Variants in LOXL2 observed in about 807,000 individuals in gnomAD.
The protein encoded by LOXL2 is lysyl oxidase homolog 2.
In LOXL2, 70 loss-of-function variants were observed where a neutral mutation model predicts 93.0. The ratio of observed to expected loss-of-function variants is 0.75; its 90% confidence interval spans 0.62 to 0.92. LOXL2 has a LOEUF of 0.92. LOXL2 is among the 40% of genes least tolerant of loss of function. LOXL2 has a pLI of 0.00. For synonymous variants in LOXL2, 438 were observed against 413.2 expected (o/e 1.06, Z -0.73); for missense variants, 973 against 1,054.9 (o/e 0.92, Z 1.08).
chr8:23,353,156 G>A (rs899637049), intron 3 of LOXL2, among the ~76,000 whole-genome samples: 1 of 152,152 alleles, frequency 6.6e-6, no homozygotes, highest in Non-Finnish European at 1.5e-5. Flanking sequence ...AGCAGCCGGG[G>A]AGCAGAGGTT....
At chr8:23,323,790 CT>C (rs1229041523) in intron 6 of LOXL2, among the ~76,000 whole-genome samples, 4 of 152,154 alleles carry the variant, frequency 2.6e-5, no homozygotes, top group African/African-American at 4.8e-5. Context: ...CAACCTCCAC[CT>C]CCCAGGTTCA....
chr8:23,301,692 A>G (rs1299098738), intron 12 of LOXL2, among the ~76,000 whole-genome samples: 1 of 152,188 alleles, frequency 6.6e-6, no homozygotes, highest in Admixed American at 6.5e-5. Flanking sequence ...CATAGGAGAC[A>G]AGAGGTGTGG....
At chr8:23,363,270 C>A (rs1466137880) in intron 2 of LOXL2, 11 of 152,342 alleles carry the variant, frequency 7.2e-5, no homozygotes, top group African/African-American at 2.4e-4. Context: ...AGTCTCCTGA[C>A]GTCCAGGCCC....
At position 23,316,115 on chromosome 8, in the gene LOXL2, A is replaced by G. The variant is rs550913886; in HGVS notation, c.1636+834T>C. On this transcript the variant is annotated intron_variant, in intron 9 of 13. Transcript: ENST00000389131. The stretch of plus-strand genomic sequence containing the variant: ...TGAGTCTAAAAGGGGTTGGTGGGAG[A>G]CGCAGCTGCTGTTCAATCCCGCGTT... Among the ~76,000 whole-genome samples the G allele has an allele frequency of 1.5e-4, 23 of 152,256 alleles. 1 individual carries two copies. The East Asian group carries it at 4.4e-3, about 29-fold the overall frequency.
intron 1 of LOXL2, among the ~76,000 whole-genome samples, chr8:23,398,750 C>T (rs986961325): frequency 6.6e-6 from 1 of 152,174 alleles, no homozygotes; most frequent in Non-Finnish European, 1.5e-5. Flanking sequence ...GCCTTGACCT[C>T]CTGGGCTCAA....
At chr8:23,371,696 G>T (rs1035513278) in intron 1 of LOXL2, among the ~76,000 whole-genome samples, 1 of 137,174 alleles carries the variant, frequency 7.3e-6, no homozygotes, top group Admixed American at 7.9e-5. Flanking sequence ...AGGTTGCAGT[G>T]AGCCGAGGTC....
At chr8:23,390,462 A>T (rs777145804) in intron 1 of LOXL2, among the ~76,000 whole-genome samples, 3 of 152,252 alleles carry the variant, frequency 2.0e-5, no homozygotes, top group Non-Finnish European at 2.9e-5. Context: ...TTCAGGGCAC[A>T]GTGAGATGGT....
intron 1 of LOXL2, among the ~76,000 whole-genome samples, chr8:23,375,607 CCT>C (rs1406767569): frequency 1.1e-4 from 17 of 152,068 alleles, no homozygotes; most frequent in Non-Finnish European, 1.3e-4. Context: ...TTGTTTGTAT[CCT>C]CTTTTATTTC....
chr8:23,353,107 A>G (rs1464228025), intron 3 of LOXL2, among the ~76,000 whole-genome samples: 1 of 152,220 alleles, frequency 6.6e-6, no homozygotes, highest in Non-Finnish European at 1.5e-5. Flanking sequence ...CAGCCCAGCC[A>G]CAAGGCTTCC....
chr8:23,337,344 A>T (rs1563194394), intron 4 of LOXL2: 1 of 152,194 alleles, frequency 6.6e-6, no homozygotes, highest in Non-Finnish European at 1.5e-5. Flanking sequence ...TTCAGAGAAG[A>T]GTGATCACAG....
At chr8:23,333,882 A>G (rs1285565793) in intron 4 of LOXL2, among the ~76,000 whole-genome samples, 2 of 152,238 alleles carry the variant, frequency 1.3e-5, no homozygotes, top group African/African-American at 4.8e-5. Context: ...TAGGAAAGAA[A>G]GGACTCACTC....
chr8:23,303,770 T>C (rs1466989458), intron 10 of LOXL2, among the ~76,000 whole-genome samples: 4 of 152,228 alleles, frequency 2.6e-5, no homozygotes, highest in Non-Finnish European at 5.9e-5. Context: ...TCACAGCCCC[T>C]TCCTGTTTGA....
chr8:23,330,432 T>C (rs1326228371), intron 5 of LOXL2, among the ~76,000 whole-genome samples: 1 of 152,136 alleles, frequency 6.6e-6, no homozygotes, highest in African/African-American at 2.4e-5. Flanking sequence ...CTGTTTTCTG[T>C]AGAATGGTGG....
chr8:23,380,841 T>C (rs1446218423), intron 1 of LOXL2, among the ~76,000 whole-genome samples: 1 of 151,864 alleles, frequency 6.6e-6, no homozygotes, highest in East Asian at 1.9e-4. Context: ...GACAAAACCC[T>C]GTCTCTACTA....
At position 23,363,442 on chromosome 8, in the gene LOXL2, A is replaced by T. The variant is rs537622621; in HGVS notation, c.356-3177T>A. ...TTCCAAGCAGTCAAGCTCCACTGAA[A>T]CATACACTCCCTAATCGATTGCTGT... is the stretch of plus-strand genomic sequence containing the variant. On this transcript the variant is annotated intron_variant, in intron 2 of 13. Transcript: ENST00000389131. 13 of 152,318 alleles carry T rather than the reference A, an allele frequency of 8.5e-5. No individual in the cohort carries two copies. The East Asian group carries it at 2.5e-3, about 29-fold the overall frequency. 9.4% of individuals were successfully genotyped at this position (152,318 alleles called of 1,614,324 possible).
chr8:23,297,173 A>C lies in LOXL2; in HGVS notation c.*870T>G, dbSNP rs769283995. The C allele has an allele frequency of 6.6e-6, 1 of 152,192 alleles. No individual in the cohort carries two copies. The highest frequency in any genetic ancestry group is 1.5e-5 in the Non-Finnish European group (1 of 68,038). 9.4% of individuals were successfully genotyped at this position (152,192 alleles called of 1,614,324 possible). A position where few individuals can be genotyped will look rare whatever the true frequency, so the allele number is the denominator to read the frequency against. On this transcript the variant is annotated 3_prime_UTR_variant, in exon 14 of 14. Coordinates refer to ENST00000389131, the MANE Select transcript of LOXL2 (RefSeq NM_002318.3). ...AGGTGCTGTGGGTCAAAGGAAACAC[A>C]GACACGTTTCATAAATCTTTCTTTT...
At chr8:23,327,533 G>A (rs1170561732) in intron 6 of LOXL2, among the ~76,000 whole-genome samples, 2 of 152,056 alleles carry the variant, frequency 1.3e-5, no homozygotes, top group African/African-American at 2.4e-5. Context: ...AGCAGCCGAC[G>A]GTCTGCAGCG....
At chr8:23,379,346 A>G (rs1206951529) in intron 1 of LOXL2, among the ~76,000 whole-genome samples, 1 of 152,146 alleles carries the variant, frequency 6.6e-6, no homozygotes, top group Non-Finnish European at 1.5e-5. Flanking sequence ...ATCTGCCCCT[A>G]CTGGGGGGTG....
Position 23,320,061 on chromosome 8 carries a change from A to C in LOXL2, c.1303-9T>G, listed in dbSNP as rs1803470159. 6.2e-7 allele frequency: 1 copy of C among 1,613,420 alleles called. No homozygotes were observed. Among genetic ancestry groups the C allele is most frequent in the Non-Finnish European group, 8.5e-7 (1 of 1,179,838 alleles). Reference sequence around the variant, plus strand: ...CCGCCGTTCAGGCGCAGCTGCAGACACAAAGGCAGGCCACGGTCACCAAGA... The same window carrying C: ...CCGCCGTTCAGGCGCAGCTGCAGACCCAAAGGCAGGCCACGGTCACCAAGA... On this transcript the variant is annotated splice_polypyrimidine_tract_variant and intron_variant, in intron 7 of 13. Transcript: ENST00000389131.
Sources: gnomAD v4.1 joint callset for allele counts (sites outside exome capture counted in the v4.1 genomes callset) on GRCh38, gnomAD v4.1.1 for gene constraint, MANE v1.5 for transcripts, NCBI Gene and HGNC (gene_info 2026-07-23, HGNC 2026-07-21) for gene names.